Variants in SLC39A11 observed in about 807,000 individuals in gnomAD.
SLC39A11 encodes the protein zinc transporter ZIP11.
A neutral mutation model predicts 36.1 loss-of-function variants in SLC39A11; 33 were observed. The ratio of observed to expected loss-of-function variants is 0.91; its 90% CI spans 0.69 to 1.22. The LOEUF is 1.22. Among genes scored for constraint, SLC39A11 ranks in the 50% most tolerant of loss-of-function variants. The pLI, the probability that SLC39A11 is intolerant of heterozygous loss-of-function variation, is 0.00. For synonymous variants in SLC39A11, 166 were observed against 170.3 expected (o/e 0.97, Z 0.20); for missense variants, 432 against 430.3 (o/e 1.00, Z -0.03).
At chr17:72,840,916 G>A (rs1598947184) in intron 6 of SLC39A11, among the ~76,000 whole-genome samples, 2 of 151,898 alleles carry the variant, frequency 1.3e-5, no homozygotes, top group African/African-American at 2.4e-5. Flanking sequence ...TTAGCCAGGC[G>A]TGGTGGGGGG....
chr17:72,935,530 A>C (rs1476376215), intron 5 of SLC39A11, among the ~76,000 whole-genome samples: 3 of 152,182 alleles, frequency 2.0e-5, no homozygotes, highest in Non-Finnish European at 4.4e-5. Flanking sequence ...GCTTTATGAT[A>C]TATTAATTTA....
intron 4 of SLC39A11, among the ~76,000 whole-genome samples, chr17:72,999,252 T>C (rs2089686411): frequency 6.6e-6 from 1 of 152,260 alleles, no homozygotes; most frequent in South Asian, 2.1e-4. Flanking sequence ...CTTTACTTTT[T>C]AACTGTCTCT....
intron 3 of SLC39A11, among the ~76,000 whole-genome samples, chr17:73,050,246 G>A (rs2059446992): frequency 6.8e-6 from 1 of 148,022 alleles, no homozygotes; most frequent in Admixed American, 6.8e-5. Flanking sequence ...CCTGAATGGT[G>A]AGAAGGAGCC....
intron 5 of SLC39A11, among the ~76,000 whole-genome samples, chr17:72,861,782 A>ATC (rs1555605666): frequency 0.012 from 1,073 of 91,384 alleles, 16 homozygotes; most frequent in Middle Eastern, 0.019. Context: ...ATATATATAT[A>ATC]TCCAATGCTA....
chr17:72,843,294 A>G (rs1475667593), intron 6 of SLC39A11, among the ~76,000 whole-genome samples: 1 of 152,056 alleles, frequency 6.6e-6, no homozygotes, highest in Non-Finnish European at 1.5e-5. Flanking sequence ...TAGACTCCAT[A>G]AAGTCTAAAC....
chr17:72,811,132 T>C (rs554022673), intron 6 of SLC39A11, among the ~76,000 whole-genome samples: 11 of 152,002 alleles, frequency 7.2e-5, no homozygotes, highest in Admixed American at 2.6e-4. Flanking sequence ...CAAACAACAA[T>C]TGTTTGTTTC....
chr17:72,905,628 G>A (rs1598362442), intron 5 of SLC39A11, among the ~76,000 whole-genome samples: 1 of 151,942 alleles, frequency 6.6e-6, no homozygotes, highest in African/African-American at 2.4e-5. Context: ...GTCTCTCTTG[G>A]TCACCCAGGC....
intron 5 of SLC39A11, among the ~76,000 whole-genome samples, chr17:72,913,239 T>C (rs1308558661): frequency 6.6e-6 from 1 of 152,016 alleles, no homozygotes; most frequent in Non-Finnish European, 1.5e-5. Flanking sequence ...GCCTTGGGCA[T>C]CTTTATAAGC....
intron 7 of SLC39A11, 134 bp downstream of exon 7, chr17:72,736,516 G>T: frequency 1.4e-6 from 1 of 721,160 alleles, no homozygotes. Context: ...ACCCCATGTG[G>T]CCTCCATCAG....
chr17:73,011,656 G>A (rs1598846993), intron 4 of SLC39A11, among the ~76,000 whole-genome samples: 1 of 101,966 alleles, frequency 9.8e-6, no homozygotes, highest in Non-Finnish European at 2.3e-5. Context: ...CTGGTTTTCT[G>A]GTTTTCTTGG....
chr17:72,733,499 C>T (rs969304474), intron 7 of SLC39A11, among the ~76,000 whole-genome samples: 1 of 152,128 alleles, frequency 6.6e-6, no homozygotes, highest in Non-Finnish European at 1.5e-5. Flanking sequence ...ATAAGCTAAG[C>T]ATCTGCAGCC....
intron 7 of SLC39A11, among the ~76,000 whole-genome samples, chr17:72,650,413 A>T (rs73343568): frequency 0.054 from 8,184 of 152,312 alleles, 714 homozygotes; most frequent in African/African-American, 0.18. Flanking sequence ...ACAGGCATGT[A>T]CATGAAGAAC....
In SLC39A11 at chr17:73,025,998, A is replaced by ACTCGCCTGTAACTCTTGAGTAGG. The variant is rs529320957; in HGVS notation, c.306+5557_306+5558insCCTACTCAAGAGTTACAGGCGAG. ...CCAGGTGCGGTGGCAGGTGCCTGTA[A>ACTCGCCTGTAACTCTTGAGTAGG]TCCCAGCTACTCAAGAGGCTGAGGC... is the stretch of plus-strand genomic sequence containing the variant. On this transcript the variant is annotated intron_variant, in intron 4 of 9. Coordinates refer to ENST00000255559, the MANE Select transcript of SLC39A11 (RefSeq NM_139177.4). Among the ~76,000 whole-genome samples the ACTCGCCTGTAACTCTTGAGTAGG allele has an allele frequency of 2.8e-3, 427 of 152,104 alleles. 2 individuals are homozygous for ACTCGCCTGTAACTCTTGAGTAGG. The highest frequency in any genetic ancestry group is 9.8e-3 in the African/African-American group (408 of 41,472).
intron 2 of SLC39A11, among the ~76,000 whole-genome samples, chr17:73,085,761 T>C (rs1025281230): frequency 2.0e-5 from 3 of 151,002 alleles, no homozygotes; most frequent in South Asian, 4.2e-4. Flanking sequence ...TCCTGAGTAA[T>C]CCCATGACAG....
chr17:72,936,511 G>C (rs1257695650), intron 5 of SLC39A11, among the ~76,000 whole-genome samples: 2 of 150,480 alleles, frequency 1.3e-5, no homozygotes, highest in East Asian at 3.9e-4. Flanking sequence ...TGGAAGGCAA[G>C]TCTTGGCCGG....
intron 4 of SLC39A11, among the ~76,000 whole-genome samples, chr17:72,979,618 C>T (rs374247808): frequency 5.9e-5 from 9 of 152,240 alleles, no homozygotes; most frequent in African/African-American, 2.2e-4. Context: ...ATGTGTGAAG[C>T]GCCACAGAAA....
chr17:72,949,938 C>T (rs753480288), intron 4 of SLC39A11, among the ~76,000 whole-genome samples: 13 of 141,490 alleles, frequency 9.2e-5, no homozygotes, highest in African/African-American at 3.4e-4. Flanking sequence ...AAAAGGGATA[C>T]CAGGCTGCTG....
At chr17:72,675,663 G>T (rs2144228614) in intron 7 of SLC39A11, among the ~76,000 whole-genome samples, 1 of 151,518 alleles carries the variant, frequency 6.6e-6, no homozygotes, top group Non-Finnish European at 1.5e-5. Context: ...TGCTGCCAGT[G>T]TGTGATGCCC....
chr17:72,797,000 C>T (rs2076918246), intron 6 of SLC39A11, among the ~76,000 whole-genome samples: 4 of 152,054 alleles, frequency 2.6e-5, no homozygotes, highest in Admixed American at 2.6e-4. Flanking sequence ...AGGATGGGGC[C>T]GTCCCTGAAC....
Sources: allele counts gnomAD v4.1 joint callset (sites outside exome capture counted in the v4.1 genomes callset), GRCh38; gene constraint gnomAD v4.1.1; transcripts MANE v1.5; gene names NCBI Gene and HGNC (gene_info 2026-07-23, HGNC 2026-07-21).